The following TRPC4 variants were observed in gnomAD, a reference collection of about 807,000 sequenced individuals.
TRPC4 encodes transient receptor potential cation channel subfamily C member 4.
In TRPC4, 49 loss-of-function variants were observed where a neutral mutation model predicts 99.4. The ratio of observed to expected loss-of-function variants is 0.49; its 90% confidence interval spans 0.39 to 0.63. The LOEUF (loss-of-function observed/expected upper bound fraction) is 0.63. TRPC4 is among the 20% of genes least tolerant of loss of function. TRPC4 has a pLI of 0.00. For missense variants in TRPC4, 898 were observed against 1,152.9 expected (o/e 0.78, Z 3.20); for synonymous variants, 454 against 425.9 (o/e 1.07, Z -0.81).
chr13:37,673,727 G>A (rs1041611845), intron 5 of TRPC4, among the ~76,000 whole-genome samples: 2 of 152,174 alleles, frequency 1.3e-5, no homozygotes, highest in African/African-American at 4.8e-5. Context: ...GCACTGTCAT[G>A]TTGAATGGGA....
At chr13:37,650,743 C>T (rs1395965330) in intron 8 of TRPC4, among the ~76,000 whole-genome samples, 1 of 152,126 alleles carries the variant, frequency 6.6e-6, no homozygotes, top group Non-Finnish European at 1.5e-5. Flanking sequence ...ACAGTTGGCA[C>T]AGCATATTTA....
At chr13:37,685,055 G>C (rs568158698) in intron 4 of TRPC4, among the ~76,000 whole-genome samples, 1 of 152,180 alleles carries the variant, frequency 6.6e-6, no homozygotes, top group Non-Finnish European at 1.5e-5. Context: ...GTGATGTGAG[G>C]GTGGTGGTAG....
intron 2 of TRPC4, among the ~76,000 whole-genome samples, chr13:37,776,152 C>T (rs1333791875): frequency 6.6e-6 from 1 of 151,796 alleles, no homozygotes; most frequent in Non-Finnish European, 1.5e-5. Context: ...AATCTATGCT[C>T]TATTCTGTAA....
chr13:37,810,900 A>T lies in TRPC4; in HGVS notation c.-27-27540T>A, dbSNP rs1957667319. ...ACAAACTGATCTCGAAATTTTTTGTACTCTATGTATTTTAGTTATAGCACA... is the reference window on the plus strand; with the variant it reads ...ACAAACTGATCTCGAAATTTTTTGTTCTCTATGTATTTTAGTTATAGCACA... On this transcript the variant is annotated intron_variant, in intron 1 of 10. Transcript: ENST00000379705. 3.3e-5 allele frequency among the ~76,000 whole-genome samples: 5 copies of T among 152,054 alleles called. No individual in the cohort carries two copies. In the South Asian group the frequency reaches 1.0e-3, roughly 32 times the overall value.
At chr13:37,763,688 T>C (rs1229386286) in intron 2 of TRPC4, among the ~76,000 whole-genome samples, 1 of 151,664 alleles carries the variant, frequency 6.6e-6, no homozygotes, top group African/African-American at 2.4e-5. Context: ...CAGATAATAT[T>C]ACAAAATGAG....
chr13:37,787,494 TG>T (rs909032431), intron 1 of TRPC4, among the ~76,000 whole-genome samples: 1 of 152,100 alleles, frequency 6.6e-6, no homozygotes, highest in African/African-American at 2.4e-5. Flanking sequence ...GTCTGATTTT[TG>T]CTATCACTCT....
chr13:37,669,055 C>T (rs1214382612), intron 5 of TRPC4, among the ~76,000 whole-genome samples: 1 of 152,004 alleles, frequency 6.6e-6, no homozygotes, highest in Admixed American at 6.5e-5. Context: ...ACACTTGGCC[C>T]TTTTCTAGTT....
In TRPC4 at chr13:37,671,576, TA is replaced by T. The variant is rs11411634; in HGVS notation, c.1374+2651del. 4.3e-3 allele frequency among the ~76,000 whole-genome samples: 636 copies of T among 147,110 alleles called. 6 individuals are homozygous for T. The highest frequency in any genetic ancestry group is 0.015 in the African/African-American group (597 of 40,068). On this transcript the variant is annotated intron_variant, in intron 5 of 10. Transcript: ENST00000379705. ...ATGAGAAAGAAAGCAAAGACAAAAG[TA>T]AAAAAAAAAAGAAAAAACTAATTTA...
chr13:37,714,841 C>A (rs1182926279), intron 3 of TRPC4, among the ~76,000 whole-genome samples: 2 of 152,154 alleles, frequency 1.3e-5, no homozygotes, highest in African/African-American at 2.4e-5. Flanking sequence ...TCAAAGACTG[C>A]ACTAGTACTT....
chr13:37,788,439 T>G (rs906363038), intron 1 of TRPC4, among the ~76,000 whole-genome samples: 3 of 152,178 alleles, frequency 2.0e-5, no homozygotes, highest in Non-Finnish European at 2.9e-5. Context: ...GGATAAATTT[T>G]ATTTTTCTTA....
intron 1 of TRPC4, among the ~76,000 whole-genome samples, chr13:37,830,509 T>A (rs1246886674): frequency 6.6e-6 from 1 of 151,690 alleles, no homozygotes; most frequent in Non-Finnish European, 1.5e-5. Flanking sequence ...AGGAGTTCAA[T>A]CAAGACCAGC....
chr13:37,823,767 T>A (rs1346275590), intron 1 of TRPC4, among the ~76,000 whole-genome samples: 3 of 139,806 alleles, frequency 2.1e-5, no homozygotes, highest in Non-Finnish European at 1.6e-5. Context: ...TCTTTTTTGT[T>A]CCATATGAAC....
intron 3 of TRPC4, among the ~76,000 whole-genome samples, chr13:37,703,549 T>C (rs1455390390): frequency 1.3e-5 from 2 of 152,064 alleles, no homozygotes; most frequent in African/African-American, 2.4e-5. Context: ...TCAAAAGATA[T>C]ATAGATGGCA....
intron 5 of TRPC4, among the ~76,000 whole-genome samples, chr13:37,669,873 C>G (rs1439923262): frequency 6.6e-6 from 1 of 152,032 alleles, no homozygotes; most frequent in Non-Finnish European, 1.5e-5. Flanking sequence ...AGATGGATTT[C>G]AAAAGTATGA....
intron 1 of TRPC4, among the ~76,000 whole-genome samples, chr13:37,788,554 G>A (rs1407519535): frequency 1.1e-4 from 16 of 151,232 alleles, no homozygotes; most frequent in Non-Finnish European, 2.4e-4. Context: ...GTCCTGCCTT[G>A]GGCTCCCTGC....
At chr13:37,770,579 T>G (rs147744830) in intron 2 of TRPC4, among the ~76,000 whole-genome samples, 1 of 151,592 alleles carries the variant, frequency 6.6e-6, no homozygotes, top group Non-Finnish European at 1.5e-5. Context: ...AAGCTAGATC[T>G]ATACTTTCTT....
At chr13:37,821,947 C>A (rs978219125) in intron 1 of TRPC4, among the ~76,000 whole-genome samples, 1 of 151,916 alleles carries the variant, frequency 6.6e-6, no homozygotes, top group Non-Finnish European at 1.5e-5. Context: ...ACAATAAAAA[C>A]AAAATTGACA....
intron 1 of TRPC4, among the ~76,000 whole-genome samples, chr13:37,806,583 T>C (rs1957534911): frequency 6.6e-6 from 1 of 152,100 alleles, no homozygotes; most frequent in East Asian, 1.9e-4. Context: ...ACTCAAATAA[T>C]CACTAACTCC....
At chr13:37,660,132 A>G (rs557824006) in intron 6 of TRPC4, among the ~76,000 whole-genome samples, 3 of 152,328 alleles carry the variant, frequency 2.0e-5, no homozygotes, top group Non-Finnish European at 4.4e-5. Context: ...TTAGCATGCT[A>G]AGACATACCA....
Sources: gnomAD v4.1 joint callset for allele counts (sites outside exome capture counted in the v4.1 genomes callset) on GRCh38, gnomAD v4.1.1 for gene constraint, MANE v1.5 for transcripts, NCBI Gene and HGNC (gene_info 2026-07-23, HGNC 2026-07-21) for gene names.